DPP6: variants seen among roughly 807,000 people sequenced by gnomAD.
The protein encoded by DPP6 is dipeptidyl peptidase like 6.
In DPP6, 69 loss-of-function variants were observed where a neutral mutation model predicts 122.6. The observed-to-expected ratio is 0.56, with a 90% CI of 0.46 to 0.69. DPP6 has a LOEUF of 0.69. DPP6 is among the 30% of genes least tolerant of loss of function. DPP6 has a pLI of 0.00. For missense variants in DPP6, 928 were observed against 1,116.9 expected (o/e 0.83, Z 2.41); for synonymous variants, 418 against 433.1 (o/e 0.97, Z 0.43).
rs3052965 is a variant in DPP6 at position 154,078,351 on chromosome 7, TACACACACACACACACACACAC to T, written c.243+25305_243+25326del. Among the ~76,000 whole-genome samples, 32 of 149,510 alleles carry T rather than the reference TACACACACACACACACACACAC, an allele frequency of 2.1e-4. 1 individual carries two copies. The East Asian group carries it at 3.8e-3, about 18-fold the overall frequency. On this transcript the variant is annotated intron_variant, in intron 1 of 25. Transcript: ENST00000377770. ...CGACTTTCAAACTTCAGTGCATATG[TACACACACACACACACACACAC>T]ACACACACACACACACCATTTTAAG...
At chr7:154,646,186 G>T (rs1836468558) in intron 6 of DPP6, among the ~76,000 whole-genome samples, 1 of 151,520 alleles carries the variant, frequency 6.6e-6, no homozygotes, top group South Asian at 2.1e-4. Flanking sequence ...CTGACCAATT[G>T]ACAATGACTT....
intron 8 of DPP6, among the ~76,000 whole-genome samples, chr7:154,746,711 A>G (rs1843052776): frequency 6.6e-6 from 1 of 152,190 alleles, no homozygotes; most frequent in South Asian, 2.1e-4. Flanking sequence ...GCAAAAGAGT[A>G]TTCACTGTGA....
chr7:154,112,071 G>A (rs558963033), intron 1 of DPP6, among the ~76,000 whole-genome samples: 5 of 152,226 alleles, frequency 3.3e-5, no homozygotes, highest in East Asian at 1.9e-4. Flanking sequence ...AGTGGATCAC[G>A]AAGGGTAGGA....
rs535084313 is a variant in DPP6, at chr7:154,612,086, G to A, written c.628-25735G>A. Among the ~76,000 whole-genome samples the A allele has an allele frequency of 3.3e-3, 499 of 152,286 alleles. 5 individuals are homozygous for A. The highest frequency in any genetic ancestry group is 0.011 in the African/African-American group (476 of 41,560). Reference sequence around the variant, plus strand: ...AAAAACAGCTTGAGTCTGTGAGCTTGCTGTCTTGCCCTTCTGCCTTCCTCC... The same window carrying A: ...AAAAACAGCTTGAGTCTGTGAGCTTACTGTCTTGCCCTTCTGCCTTCCTCC... On this transcript the variant is annotated intron_variant, in intron 5 of 25. Coordinates refer to ENST00000377770, the MANE Select transcript of DPP6 (RefSeq NM_130797.4).
chr7:154,451,866 A>T (rs763617554), intron 2 of DPP6, among the ~76,000 whole-genome samples: 6 of 152,110 alleles, frequency 3.9e-5, no homozygotes, highest in Non-Finnish European at 8.8e-5. Flanking sequence ...CTGCCCTGGG[A>T]TGGGGTGTCC....
intron 1 of DPP6, among the ~76,000 whole-genome samples, chr7:154,007,904 C>T (rs1202864274): frequency 6.6e-6 from 1 of 152,008 alleles, no homozygotes; most frequent in African/African-American, 2.4e-5. Context: ...CTGGCATTGA[C>T]GTTCATCACT....
At chr7:154,811,136 G>A (rs1326128034) in intron 16 of DPP6, among the ~76,000 whole-genome samples, 1 of 152,176 alleles carries the variant, frequency 6.6e-6, no homozygotes, top group Admixed American at 6.5e-5. Flanking sequence ...GCTATTTTCT[G>A]GCTAAAGTAA....
chr7:154,020,865 A>G (rs1409133563), intron 1 of DPP6, among the ~76,000 whole-genome samples: 1 of 152,146 alleles, frequency 6.6e-6, no homozygotes, highest in Non-Finnish European at 1.5e-5. Context: ...GGGAAGGCAG[A>G]GCTGGGAAAA....
chr7:154,016,324 G>T (rs562794903), intron 1 of DPP6, among the ~76,000 whole-genome samples: 1 of 135,012 alleles, frequency 7.4e-6, no homozygotes, highest in East Asian at 2.2e-4. Flanking sequence ...TGCTATATCT[G>T]CAATGTGCTT....
At chr7:154,196,724 A>G (rs1218540617) in intron 1 of DPP6, among the ~76,000 whole-genome samples, 2 of 152,254 alleles carry the variant, frequency 1.3e-5, no homozygotes, top group East Asian at 3.9e-4. Flanking sequence ...CATCGATGTC[A>G]TCATCCCTCA....
At chr7:154,397,994 A>G (rs1394370709) in intron 1 of DPP6, among the ~76,000 whole-genome samples, 1 of 152,216 alleles carries the variant, frequency 6.6e-6, no homozygotes, top group African/African-American at 2.4e-5. Context: ...CCCTAAAAAT[A>G]CATTTCTAGA....
intron 2 of DPP6, among the ~76,000 whole-genome samples, chr7:154,461,618 A>G (rs148976707): frequency 5.3e-5 from 8 of 152,290 alleles, no homozygotes; most frequent in East Asian, 3.9e-4. Context: ...CTGATGATCA[A>G]TGATGTTGAG....
intron 1 of DPP6, among the ~76,000 whole-genome samples, chr7:154,253,478 A>C (rs1451306929): frequency 6.6e-6 from 1 of 152,264 alleles, no homozygotes; most frequent in Non-Finnish European, 1.5e-5. Flanking sequence ...CTTATGGATT[A>C]GTATTTTTAA....
At chr7:154,211,491 A>G (rs1449702234) in intron 1 of DPP6, among the ~76,000 whole-genome samples, 1 of 152,164 alleles carries the variant, frequency 6.6e-6, no homozygotes, top group African/African-American at 2.4e-5. Flanking sequence ...GATGTTGTTT[A>G]TGTAATGCTA....
chr7:153,860,636 T>A, the DPP6 span, among the ~76,000 whole-genome samples: 1 of 130,672 alleles, frequency 7.7e-6, no homozygotes, highest in Admixed American at 8.2e-5. Flanking sequence ...TTTCCCTAAA[T>A]CTTGCCCATG....
the DPP6 span, among the ~76,000 whole-genome samples, chr7:153,800,285 A>G: frequency 3.3e-5 from 5 of 152,202 alleles, no homozygotes; most frequent in African/African-American, 1.2e-4. Flanking sequence ...CACACATGGA[A>G]CTATAGGTTG....
chr7:154,213,791 G>C (rs774569444), intron 1 of DPP6, among the ~76,000 whole-genome samples: 17 of 152,036 alleles, frequency 1.1e-4, no homozygotes, highest in Admixed American at 1.1e-3. Context: ...CCCGTCATGC[G>C]GTCCCTTGAG....
At chr7:154,529,384 T>G (rs1827662865) in intron 3 of DPP6, among the ~76,000 whole-genome samples, 1 of 152,240 alleles carries the variant, frequency 6.6e-6, no homozygotes. Context: ...CAAACTTGGC[T>G]GTGTAAGCCT....
At chr7:154,124,517 T>C (rs1475107424) in intron 1 of DPP6, among the ~76,000 whole-genome samples, 1 of 152,150 alleles carries the variant, frequency 6.6e-6, no homozygotes, top group Non-Finnish European at 1.5e-5. Context: ...GACAGGGAGT[T>C]AGTGTTTTCT....
Sources: allele counts gnomAD v4.1 joint callset (sites outside exome capture counted in the v4.1 genomes callset), GRCh38; gene constraint gnomAD v4.1.1; transcripts MANE v1.5; gene names NCBI Gene and HGNC (gene_info 2026-07-23, HGNC 2026-07-21).